MRPL48: variants seen among roughly 807,000 people sequenced by gnomAD.
The protein encoded by MRPL48 is mitochondrial ribosomal protein L48.
Under a neutral mutation model 32.9 loss-of-function variants are expected in MRPL48, and 16 were observed. That is an observed-to-expected ratio of 0.49 (90% CI 0.33 to 0.74). The LOEUF is 0.74. Ranked by LOEUF, MRPL48 falls within the 30% of genes least tolerant of loss-of-function variation. MRPL48 has a pLI of 0.02. For synonymous variants in MRPL48, 94 were observed against 89.2 expected (o/e 1.05, Z -0.31); for missense variants, 206 against 245.3 (o/e 0.84, Z 1.07).
chr11:73,829,184 T>A (rs1947952243), intron 4 of MRPL48, among the ~76,000 whole-genome samples: 1 of 152,144 alleles, frequency 6.6e-6, no homozygotes, highest in Non-Finnish European at 1.5e-5. Flanking sequence ...TCATTATACT[T>A]TTTCAAGGCT....
chr11:73,824,851 A>G (rs1056751210), intron 3 of MRPL48, among the ~76,000 whole-genome samples: 1 of 152,158 alleles, frequency 6.6e-6, no homozygotes, highest in Admixed American at 6.6e-5. Context: ...AAGAAAGATG[A>G]GTAGTGGGGA....
intron 1 of MRPL48, among the ~76,000 whole-genome samples, chr11:73,788,665 G>GGTTT (rs1947094360): frequency 6.6e-6 from 1 of 151,706 alleles, no homozygotes; most frequent in Non-Finnish European, 1.5e-5. Context: ...GTAGAGACGG[G>GGTTT]GTTTCACTGT....
rs528443756 is a variant in MRPL48 at position 73,830,178 on chromosome 11, G to T, written c.201+4382G>T. 2.0e-5 allele frequency among the ~76,000 whole-genome samples: 3 copies of T among 152,288 alleles called. No homozygotes were observed. The South Asian group carries it at 6.2e-4, about 32-fold the overall frequency. ...GCACAGGGCCTAGCATCAAGGAGAGGACAGTAAATATTGATTAAGCTGGAC... is the reference window on the plus strand; with the variant it reads ...GCACAGGGCCTAGCATCAAGGAGAGTACAGTAAATATTGATTAAGCTGGAC... On this transcript the variant is annotated intron_variant, in intron 4 of 7. Coordinates refer to ENST00000310614, the MANE Select transcript of MRPL48 (RefSeq NM_016055.6).
chr11:73,804,737 T>C (rs1338376704), intron 1 of MRPL48, among the ~76,000 whole-genome samples: 1 of 152,164 alleles, frequency 6.6e-6, no homozygotes, highest in East Asian at 1.9e-4. Context: ...ATACTAATTA[T>C]TGATTGATAT....
intron 4 of MRPL48, chr11:73,842,648 T>C (rs1948210577): frequency 6.6e-6 from 1 of 151,998 alleles, no homozygotes; most frequent in Non-Finnish European, 1.5e-5. Flanking sequence ...AATTTTCATA[T>C]TTTTAGTAGA....
chr11:73,799,950 G>C (rs1393130421), intron 1 of MRPL48, among the ~76,000 whole-genome samples: 1 of 152,130 alleles, frequency 6.6e-6, no homozygotes, highest in Non-Finnish European at 1.5e-5. Flanking sequence ...GAGGTAGTGT[G>C]GAAGAATAGA....
Position 73,861,881 on chromosome 11 carries a change from C to T in MRPL48, c.475-1291C>T, listed in dbSNP as rs73541914. 5.9e-3 allele frequency among the ~76,000 whole-genome samples: 902 copies of T among 152,322 alleles called. 9 individuals carry two copies. Among genetic ancestry groups the T allele is most frequent in the African/African-American group, 0.021 (863 of 41,580 alleles). On this transcript the variant is annotated intron_variant, in intron 6 of 7. Transcript: ENST00000310614. Reference sequence around the variant, plus strand: ...TAGGAATTTCTCTTGTGGTTCCTTGCAGCCCCCTGCCTGCCCTTTTACCAT... The same window carrying T: ...TAGGAATTTCTCTTGTGGTTCCTTGTAGCCCCCTGCCTGCCCTTTTACCAT...
rs1947075165 is a variant in MRPL48 at position 73,788,072 on chromosome 11, G to A, written c.21+80G>A. 3.2e-6 allele frequency: 5 copies of A among 1,573,538 alleles called. No individual in the cohort carries two copies. The East Asian group carries it at 1.2e-4, about 37-fold the overall frequency. ...GGGGAGATGGCGGAGGGTGCAGAGC[G>A]GGGAGGTGGCGGCGCGCGGACATCC... On this transcript the variant is annotated intron_variant, in intron 1 of 7. Transcript: ENST00000310614.
chr11:73,791,659 T>C (rs759311502), intron 1 of MRPL48, among the ~76,000 whole-genome samples: 11 of 152,122 alleles, frequency 7.2e-5, no homozygotes, highest in Non-Finnish European at 1.6e-4. Context: ...ACTCAAGTGA[T>C]CTGCCCGCCT....
At chr11:73,798,725 C>T (rs1382135528) in intron 1 of MRPL48, among the ~76,000 whole-genome samples, 1 of 152,078 alleles carries the variant, frequency 6.6e-6, no homozygotes, top group Non-Finnish European at 1.5e-5. Flanking sequence ...GATGTGGTGG[C>T]TCACACCTGT....
intron 4 of MRPL48, among the ~76,000 whole-genome samples, chr11:73,831,309 C>T (rs1286573236): frequency 1.3e-5 from 2 of 152,162 alleles, no homozygotes; most frequent in Non-Finnish European, 2.9e-5. Flanking sequence ...GGTATTTCAG[C>T]TCGCTTACAG....
In MRPL48 at chr11:73,795,888, A is replaced by G. The variant is rs192523206; in HGVS notation, c.21+7896A>G. ...ACTGTTACCACTATTTAATTCCTGA[A>G]CATTTTTACCATCCCAAAAGGAAAC... On this transcript the variant is annotated intron_variant, in intron 1 of 7. Coordinates refer to ENST00000310614, the MANE Select transcript of MRPL48 (RefSeq NM_016055.6). Among the ~76,000 whole-genome samples, 299 of 152,234 alleles carry G rather than the reference A, an allele frequency of 2.0e-3. 3 individuals are homozygous for G. The highest frequency in any genetic ancestry group is 6.7e-3 in the African/African-American group (277 of 41,532).
At chr11:73,813,966 G>A (rs773842509) in intron 3 of MRPL48, among the ~76,000 whole-genome samples, 4 of 151,378 alleles carry the variant, frequency 2.6e-5, no homozygotes, top group Admixed American at 6.6e-5. Flanking sequence ...GCGTGAACCC[G>A]GGAGGCAGAG....
At chr11:73,844,302 G>A (rs779503167) in intron 4 of MRPL48, among the ~76,000 whole-genome samples, 1 of 151,872 alleles carries the variant, frequency 6.6e-6, no homozygotes, top group Non-Finnish European at 1.5e-5. Flanking sequence ...GTGGTGGGGT[G>A]CGCCTGTCGT....
chr11:73,845,109 T>TA, intron 5 of MRPL48, 133 bp downstream of exon 5: 1 of 870,304 alleles, frequency 1.1e-6, no homozygotes, highest in Non-Finnish European at 1.7e-6. Context: ...TGTACTACAA[T>TA]AAAAATATAG....
chr11:73,831,889 G>A (rs930635898), intron 4 of MRPL48, among the ~76,000 whole-genome samples: 10 of 129,890 alleles, frequency 7.7e-5, no homozygotes, highest in Non-Finnish European at 1.4e-4. Context: ...GCAATGAGCC[G>A]AGATCATGCC....
chr11:73,790,513 T>C (rs1947131832), intron 1 of MRPL48, among the ~76,000 whole-genome samples: 1 of 149,030 alleles, frequency 6.7e-6, no homozygotes. Context: ...GCCTCTGGAG[T>C]AGCTGGGGCT....
intron 1 of MRPL48, among the ~76,000 whole-genome samples, chr11:73,793,545 G>C (rs1410995702): frequency 2.0e-5 from 3 of 152,138 alleles, no homozygotes; most frequent in African/African-American, 4.8e-5. Flanking sequence ...TTAAAGAGTA[G>C]GTAGGATTTA....
rs1023226581 is a variant in MRPL48 at position 73,848,178 on chromosome 11, T to A, written c.371+3202T>A. On this transcript the variant is annotated intron_variant, in intron 5 of 7. Transcript: ENST00000310614. ...GTTTTGTATATAATGGGTCAAAGTT[T>A]TTTTTTTTGGCATATGAATATTCAG... is the stretch of plus-strand genomic sequence containing the variant. 4.6e-5 allele frequency among the ~76,000 whole-genome samples: 7 copies of A among 152,144 alleles called. No individual in the cohort carries two copies. The East Asian group carries it at 1.2e-3, about 25-fold the overall frequency.
Sources: gnomAD v4.1 joint callset for allele counts (sites outside exome capture counted in the v4.1 genomes callset) on GRCh38, gnomAD v4.1.1 for gene constraint, MANE v1.5 for transcripts, NCBI Gene and HGNC (gene_info 2026-07-23, HGNC 2026-07-21) for gene names.